The following DOP1A variants were observed in gnomAD, a reference collection of about 807,000 sequenced individuals.
The protein encoded by DOP1A is DOP1 leucine zipper like protein A.
DOP1A carries 90 observed loss-of-function variants against 267.6 expected under a neutral mutation model. The observed-to-expected ratio is 0.34, with a 90% CI of 0.28 to 0.40. The LOEUF is 0.40. DOP1A is among the 10% of genes least tolerant of loss of function. DOP1A has a pLI of 1.00. For synonymous variants in DOP1A, 932 were observed against 999.1 expected (o/e 0.93, Z 1.27); for missense variants, 2,437 against 2,900.4 (o/e 0.84, Z 3.67).
intron 12 of DOP1A, 82 bp downstream of exon 12, chr6:83,123,064 A>C: frequency 6.9e-7 from 1 of 1,443,820 alleles, no homozygotes; most frequent in Non-Finnish European, 9.3e-7. Context: ...ACATTTAATG[A>C]ATGTTCTTTT....
chr6:83,135,897 T>C lies in DOP1A; in HGVS notation c.3130+19T>C, dbSNP rs751253751. The C allele has an allele frequency of 6.2e-7, 1 of 1,609,180 alleles. No individual in the cohort carries two copies. The highest frequency in any genetic ancestry group is 2.2e-5 in the East Asian group (1 of 44,730). ...AGCAATGGTGAATAACACATAGAAG[T>C]AGACAGCTTTATTTAGAATTATTAA... is the stretch of plus-strand genomic sequence containing the variant. On this transcript the variant is annotated intron_variant, in intron 20 of 38. Transcript: ENST00000349129.
At chr6:83,090,569 G>C (rs1049404901) in intron 1 of DOP1A, among the ~76,000 whole-genome samples, 3 of 152,180 alleles carry the variant, frequency 2.0e-5, no homozygotes, top group Admixed American at 6.5e-5. Context: ...CACAAACTTT[G>C]TTAAGAGACA....
intron 1 of DOP1A, among the ~76,000 whole-genome samples, chr6:83,072,073 T>C (rs1303859676): frequency 6.6e-6 from 1 of 152,190 alleles, no homozygotes; most frequent in Non-Finnish European, 1.5e-5. Flanking sequence ...GCCGAAGACA[T>C]TTCTAGACTT....
chr6:83,167,355 G>C (rs1184951585), intron 38 of DOP1A: 2 of 985,268 alleles, frequency 2.0e-6, no homozygotes, highest in African/African-American at 3.5e-5. Context: ...AGTACTGACA[G>C]TAATTATTCA....
chr6:83,137,622 A>G lies in DOP1A; in HGVS notation c.3580A>G (p.Ile1194Val). 1 of 1,613,878 alleles carries G rather than the reference A, an allele frequency of 6.2e-7. No individual in the cohort carries two copies. Among genetic ancestry groups the G allele is most frequent in the Non-Finnish European group, 8.5e-7 (1 of 1,179,844 alleles). ...TGATATAGATCCAGATGAAGAGACGATTAAAATTGAAGATGACTCCATTCA... is the reference window on the plus strand; with the variant it reads ...TGATATAGATCCAGATGAAGAGACGGTTAAAATTGAAGATGACTCCATTCA... ...CSDIDPDEET[I>V]KIEDDSIQQS... is the part of the protein sequence containing the mutation. The change falls in exon 21 of 39, where the codon ATT becomes GTT. Residue 1194 changes from isoleucine to valine, a missense_variant. By Grantham distance (29) the Ile-to-Val change is conservative. Transcript: ENST00000349129.
At chr6:83,158,928 A>G (rs142522110) in intron 36 of DOP1A, among the ~76,000 whole-genome samples, 18 of 152,332 alleles carry the variant, frequency 1.2e-4, no homozygotes, top group Non-Finnish European at 2.4e-4. Flanking sequence ...ACATTGCAAC[A>G]TATAGCCAAC....
At chr6:83,170,353 G>C (rs1219884561), downstream of DOP1A, 1 of 1,614,152 alleles carries the variant, frequency 6.2e-7, no homozygotes, top group Non-Finnish European at 8.5e-7. Context: ...CTGTACCAGA[G>C]GGCCGGACAA....
rs772585599 is a variant in DOP1A, at chr6:83,129,449, C to T, written c.2282C>T (p.Pro761Leu). 1 of 1,584,740 alleles carries T rather than the reference C, an allele frequency of 6.3e-7. No homozygotes were observed. Among genetic ancestry groups the T allele is most frequent in the Non-Finnish European group, 8.5e-7 (1 of 1,170,850 alleles). The change falls in exon 16 of 39, where the codon CCA (proline) becomes CTA (leucine). Residue 761 changes from proline to leucine, a missense_variant. By Grantham distance (98) the Pro-to-Leu change is moderately conservative (BLOSUM62 -3). Around this residue, in one of 9 missense-constraint regions of DOP1A, gnomAD observed 11 missense variants for 30.0 expected, o/e 0.37. Coordinates refer to ENST00000349129, the MANE Select transcript of DOP1A (RefSeq NM_015018.4). ...CQLFLECSSF[P>L]VYIAEGNHTS... The stretch of plus-strand genomic sequence containing the variant: ...CTCTTCCTAGAGTGCTCAAGTTTCC[C>T]AGTTTACATTGCTGAGGGGAACCAT...
At chr6:83,116,121 C>T (rs555491297) in intron 7 of DOP1A, among the ~76,000 whole-genome samples, 2 of 152,096 alleles carry the variant, frequency 1.3e-5, no homozygotes, top group East Asian at 1.9e-4. Flanking sequence ...GTTGGAAAAT[C>T]GAGGAGTATT....
intron 1 of DOP1A, among the ~76,000 whole-genome samples, chr6:83,096,265 A>G (rs1412408884): frequency 6.6e-6 from 1 of 151,146 alleles, no homozygotes; most frequent in African/African-American, 2.4e-5. Flanking sequence ...TATTTTTTTT[A>G]GAGACAGGAT....
chr6:83,154,764 A>G (rs1782417616), intron 33 of DOP1A, among the ~76,000 whole-genome samples: 1 of 152,022 alleles, frequency 6.6e-6, no homozygotes, highest in African/African-American at 2.4e-5. Context: ...GATTGTTTTT[A>G]TAGTTTAGGA....
At position 83,129,161 on chromosome 6, in the gene DOP1A, G is replaced by A; in HGVS notation, c.1994G>A (p.Ser665Asn). ...GTCACTCAGGGGACAGCAACCCGAA[G>A]TAGGAAGACAGCCCAAAAGACTGCA... ...SVVTQGTATRSRKTAQKTAMQ... is the reference protein window; with the variant it reads ...SVVTQGTATRNRKTAQKTAMQ... The change falls in exon 16 of 39, where the codon AGT becomes AAT. Residue 665 changes from serine to asparagine, a missense_variant. Physicochemically the swap from Ser to Asn is conservative, Grantham distance 46. Around this residue, in one of 9 missense-constraint regions of DOP1A, gnomAD observed 498 missense variants for 513.5 expected, o/e 0.97. Coordinates refer to ENST00000349129, the MANE Select transcript of DOP1A (RefSeq NM_015018.4). The A allele has an allele frequency of 6.2e-7, 1 of 1,612,910 alleles. No homozygotes were observed. The highest frequency in any genetic ancestry group is 8.5e-7 in the Non-Finnish European group (1 of 1,179,456).
chr6:83,145,759 G>T, intron 25 of DOP1A, 101 bp downstream of exon 25: 3 of 1,111,750 alleles, frequency 2.7e-6, no homozygotes, highest in Non-Finnish European at 1.3e-6. Context: ...ATATAGTACA[G>T]ATTGCAGAGA....
intron 38 of DOP1A, chr6:83,165,893 A>G (rs1562395413): frequency 2.5e-6 from 1 of 406,554 alleles, no homozygotes; most frequent in Non-Finnish European, 4.9e-6. Flanking sequence ...ATCAGATGTA[A>G]TGGTTTCACC....
chr6:83,096,251 T>C (rs1381521411), intron 1 of DOP1A, among the ~76,000 whole-genome samples: 1 of 151,536 alleles, frequency 6.6e-6, no homozygotes, highest in East Asian at 1.9e-4. Context: ...GCCTGGCTAA[T>C]TTTTATTTTT....
At chr6:83,135,926 A>T (rs1343520999) in intron 20 of DOP1A, 48 bp downstream of exon 20, 3 of 1,579,832 alleles carry the variant, frequency 1.9e-6, no homozygotes. Flanking sequence ...TTATTAAAAT[A>T]AAGTGATACA....
At chr6:83,104,144 G>A (rs1773129097) in intron 4 of DOP1A, among the ~76,000 whole-genome samples, 1 of 152,078 alleles carries the variant, frequency 6.6e-6, no homozygotes. Context: ...GTGTTTTTCT[G>A]TATTGACATT....
chr6:83,088,893 T>G (rs58709724), intron 1 of DOP1A, among the ~76,000 whole-genome samples: 2,614 of 152,318 alleles, frequency 0.017, 91 homozygotes, highest in African/African-American at 0.059. Context: ...TGTTAGATGG[T>G]AACAATTACT....
chr6:83,137,083 T>C, intron 20 of DOP1A, 90 bp from the exon 21 acceptor site: 1 of 1,207,672 alleles, frequency 8.3e-7, no homozygotes, highest in Non-Finnish European at 1.1e-6. Context: ...CACTAATGAT[T>C]AAAAATTTTG....
Sources: gnomAD v4.1 joint callset for allele counts (sites outside exome capture counted in the v4.1 genomes callset) on GRCh38, gnomAD v4.1.1 for gene constraint, gnomAD v4.1.1 regional missense constraint, MANE v1.5 for transcripts, NCBI Gene and HGNC (gene_info 2026-07-23, HGNC 2026-07-21) for gene names.